RASSF8: variants seen among roughly 807,000 people sequenced by gnomAD.
RASSF8 encodes ras association domain-containing protein 8.
RASSF8 carries 22 observed loss-of-function variants against 48.5 expected under a neutral mutation model. That is an observed-to-expected ratio of 0.45 (90% CI 0.32 to 0.65). RASSF8 has a LOEUF of 0.65. Ranked by LOEUF, RASSF8 falls within the 30% of genes least tolerant of loss-of-function variation. The probability of loss-of-function intolerance (pLI) is 0.03; values close to 1 mark genes in which losing one functional copy is unlikely to be tolerated. For missense variants in RASSF8, 418 were observed against 489.2 expected (o/e 0.85, Z 1.37); for synonymous variants, 127 against 171.5 (o/e 0.74, Z 2.03).
At chr12:25,979,695 G>A (rs963552839) in intron 1 of RASSF8, among the ~76,000 whole-genome samples, 3 of 152,120 alleles carry the variant, frequency 2.0e-5, no homozygotes, top group African/African-American at 7.2e-5. Context: ...GCTAGGATTC[G>A]AGGCCAAGGG....
At chr12:25,986,554 TATG>T (rs1475958203) in intron 1 of RASSF8, among the ~76,000 whole-genome samples, 2 of 152,206 alleles carry the variant, frequency 1.3e-5, no homozygotes, top group Admixed American at 1.3e-4. Context: ...TTTTGAGGCC[TATG>T]ATGTGCAGGC....
chr12:26,045,418 G>A (rs1337730148), intron 2 of RASSF8, among the ~76,000 whole-genome samples: 1 of 151,982 alleles, frequency 6.6e-6, no homozygotes, highest in Non-Finnish European at 1.5e-5. Flanking sequence ...CATGAGTCAG[G>A]GGCTCAAATT....
chr12:25,988,518 G>A (rs1170199092), intron 1 of RASSF8, among the ~76,000 whole-genome samples: 4 of 152,100 alleles, frequency 2.6e-5, no homozygotes, highest in East Asian at 1.9e-4. Flanking sequence ...TTTGGGATTC[G>A]TTTCTGTTAG....
chr12:25,985,276 A>G (rs1941846114), intron 1 of RASSF8, among the ~76,000 whole-genome samples: 1 of 152,118 alleles, frequency 6.6e-6, no homozygotes, highest in Admixed American at 6.6e-5. Context: ...TATAGACCCT[A>G]TGTCATGTTG....
In RASSF8 at chr12:26,071,311, T is replaced by G. The variant is rs1943995006; in HGVS notation, c.*2493T>G. 1 of 980,286 alleles carries G rather than the reference T, an allele frequency of 1.0e-6. No individual in the cohort carries two copies. The highest frequency in any genetic ancestry group is 1.2e-6 in the Non-Finnish European group (1 of 825,306). The allele number at this position is 980,286 out of a possible 1,614,324, so 60.7% of individuals were successfully genotyped here. On this transcript the variant is annotated 3_prime_UTR_variant, in exon 6 of 6. Coordinates refer to ENST00000689635, the MANE Select transcript of RASSF8 (RefSeq NM_001394098.1). The stretch of plus-strand genomic sequence containing the variant: ...TCCTGGATACATTTCGGAGGGGTAG[T>G]GGGCAATGGTATACAAAAATACCAA...
At position 26,065,190 on chromosome 12, in the gene RASSF8, C is replaced by T. The variant is rs370237788; in HGVS notation, c.796C>T (p.Arg266Trp). The change falls in exon 4 of 6, where the codon CGG (arginine) becomes TGG (tryptophan). Residue 266 changes from arginine (R) to tryptophan (W), a missense_variant. Transcript: ENST00000689635. ...ATTAAAGGACTATTTGGCACAGATC[C>T]GGACTATGGAAAGTGGTCTTGAAGC... ...NKLKDYLAQI[R>W]TMESGLEAEK... is the part of the protein sequence containing the mutation. 1.1e-5 allele frequency: 18 copies of T among 1,613,922 alleles called. No homozygotes were observed. Among genetic ancestry groups the T allele is most frequent in the Middle Eastern group, 1.6e-4 (1 of 6,084 alleles).
At chr12:26,015,034 C>T (rs1454607336) in intron 2 of RASSF8, among the ~76,000 whole-genome samples, 3 of 149,066 alleles carry the variant, frequency 2.0e-5, no homozygotes, top group Admixed American at 2.0e-4. Context: ...AGTGAGACCC[C>T]GTCTGTCCAA....
intron 2 of RASSF8, among the ~76,000 whole-genome samples, chr12:26,054,827 A>G (rs1943567822): frequency 6.6e-6 from 1 of 152,234 alleles, no homozygotes; most frequent in Non-Finnish European, 1.5e-5. Context: ...TTGGCAAAAC[A>G]CTGCACACTG....
intron 1 of RASSF8, among the ~76,000 whole-genome samples, chr12:25,969,052 C>T (rs953201604): frequency 3.9e-5 from 6 of 152,196 alleles, no homozygotes; most frequent in Non-Finnish European, 8.8e-5. Flanking sequence ...CACATCCCAG[C>T]CACCATGCGG....
chr12:26,061,507 T>C (rs1943741403), intron 3 of RASSF8, among the ~76,000 whole-genome samples: 1 of 150,426 alleles, frequency 6.6e-6, no homozygotes, highest in South Asian at 2.2e-4. Context: ...TATTTGATAG[T>C]GTCACACAGT....
At chr12:25,973,461 G>A (rs61711388) in intron 1 of RASSF8, among the ~76,000 whole-genome samples, 4 of 152,116 alleles carry the variant, frequency 2.6e-5, no homozygotes, top group South Asian at 2.1e-4. Context: ...TCATCCATCC[G>A]TCAGCTGGAT....
chr12:25,980,210 C>A (rs989664648), intron 1 of RASSF8, among the ~76,000 whole-genome samples: 2 of 152,070 alleles, frequency 1.3e-5, no homozygotes, highest in African/African-American at 4.8e-5. Flanking sequence ...CAAACGAGAA[C>A]TTTCTGTTGT....
intron 2 of RASSF8, among the ~76,000 whole-genome samples, chr12:26,021,752 C>G (rs1369010203): frequency 6.6e-6 from 1 of 152,260 alleles, no homozygotes; most frequent in East Asian, 1.9e-4. Context: ...AGACTGCTCC[C>G]CCTACCCAGC....
At chr12:26,006,896 G>A (rs1369289838) in intron 2 of RASSF8, among the ~76,000 whole-genome samples, 1 of 152,134 alleles carries the variant, frequency 6.6e-6, no homozygotes, top group East Asian at 1.9e-4. Context: ...TTGCTATAGA[G>A]GAATACCTGA....
At chr12:26,063,484 T>C (rs757800982) in intron 3 of RASSF8, among the ~76,000 whole-genome samples, 1 of 152,020 alleles carries the variant, frequency 6.6e-6, no homozygotes, top group Admixed American at 6.6e-5. Flanking sequence ...GCAGCCTTGA[T>C]CTCCCAGGAT....
chr12:26,056,219 A>G (rs1201081348), intron 3 of RASSF8, among the ~76,000 whole-genome samples: 1 of 152,154 alleles, frequency 6.6e-6, no homozygotes, highest in African/African-American at 2.4e-5. Flanking sequence ...TTATACAGTG[A>G]AAATGAAGCA....
chr12:25,984,834 C>A (rs147711376), intron 1 of RASSF8, among the ~76,000 whole-genome samples: 44 of 152,262 alleles, frequency 2.9e-4, no homozygotes, highest in African/African-American at 9.4e-4. Flanking sequence ...ACTCTTTTGC[C>A]TGTTCAACAT....
At chr12:26,059,319 T>C (rs891394822) in intron 3 of RASSF8, among the ~76,000 whole-genome samples, 12 of 152,232 alleles carry the variant, frequency 7.9e-5, no homozygotes, top group African/African-American at 2.4e-4. Context: ...CTTGGTGTCA[T>C]TGAGAAGACA....
chr12:26,058,630 A>G (rs1943669859), intron 3 of RASSF8, among the ~76,000 whole-genome samples: 2 of 152,240 alleles, frequency 1.3e-5, no homozygotes, highest in Non-Finnish European at 2.9e-5. Context: ...AGGAAACCAT[A>G]GAAACTATCA....
Sources: allele counts gnomAD v4.1 joint callset (sites outside exome capture counted in the v4.1 genomes callset), GRCh38; gene constraint gnomAD v4.1.1; transcripts MANE v1.5; gene names NCBI Gene and HGNC (gene_info 2026-07-23, HGNC 2026-07-21).